The following XPNPEP1 variants were observed in gnomAD, a reference collection of about 807,000 sequenced individuals.
XPNPEP1 encodes X-prolyl aminopeptidase 1.
Under a neutral mutation model 92.4 loss-of-function variants are expected in XPNPEP1, and 39 were observed. The observed-to-expected ratio is 0.42, with a 90% confidence interval of 0.33 to 0.55. The LOEUF (loss-of-function observed/expected upper bound fraction) is 0.55. XPNPEP1 is among the 20% of genes least tolerant of loss of function. The pLI, the probability that XPNPEP1 is intolerant of heterozygous loss-of-function variation, is 0.08. For missense variants in XPNPEP1, 654 were observed against 856.1 expected, an observed-to-expected ratio of 0.76 and a Z score of 2.95; for synonymous variants, 307 against 299.4, an observed-to-expected ratio of 1.03 and a Z score of -0.26.
intron 3 of XPNPEP1, among the ~76,000 whole-genome samples, chr10:109,902,108 T>C (rs1311547969): frequency 6.6e-6 from 1 of 152,250 alleles, no homozygotes; most frequent in African/African-American, 2.4e-5. Context: ...CCAGTTTCTT[T>C]TTGTGTTCTC....
At chr10:109,912,804 AGGGAT>A (rs1409081338) in intron 2 of XPNPEP1, among the ~76,000 whole-genome samples, 1 of 152,264 alleles carries the variant, frequency 6.6e-6, no homozygotes, top group Non-Finnish European at 1.5e-5. Flanking sequence ...TCCGGAAGGC[AGGGAT>A]GATGTCATCT....
chr10:109,909,542 G>T (rs111934961), intron 2 of XPNPEP1, among the ~76,000 whole-genome samples: 68 of 152,308 alleles, frequency 4.5e-4, no homozygotes, highest in African/African-American at 1.5e-3. Flanking sequence ...AAGCACAGAT[G>T]ATACAAGCTG....
rs1848050922 is a variant in XPNPEP1 at position 109,880,831 on chromosome 10, C to A, written c.1131+11G>T. 6.2e-7 allele frequency: 1 copy of A among 1,613,288 alleles called. No individual in the cohort carries two copies. Among genetic ancestry groups the A allele is most frequent in the Non-Finnish European group, 8.5e-7 (1 of 1,179,704 alleles). On this transcript the variant is annotated intron_variant, in intron 11 of 20. Transcript: ENST00000502935. The stretch of plus-strand genomic sequence containing the variant: ...TCACATCCCATCTTCTGCACCAGCT[C>A]CTCTACTCACGTGAGCCCGCCTCAT...
intron 3 of XPNPEP1, among the ~76,000 whole-genome samples, chr10:109,903,073 C>G (rs935410842): frequency 1.3e-4 from 20 of 152,158 alleles, no homozygotes; most frequent in Non-Finnish European, 2.6e-4. Flanking sequence ...GAACAGCACC[C>G]AGGACCAAGA....
chr10:109,896,877 C>A (rs1849021357), intron 3 of XPNPEP1, among the ~76,000 whole-genome samples: 1 of 152,188 alleles, frequency 6.6e-6, no homozygotes, highest in South Asian at 2.1e-4. Flanking sequence ...CTCCCTGGAG[C>A]CTGCAGAAGT....
rs200865221 is a variant in XPNPEP1, at chr10:109,865,253, C to A, written c.1932G>T (p.Gln644His). 3.0e-4 allele frequency: 484 copies of A among 1,614,078 alleles called. No individual in the cohort carries two copies. Among genetic ancestry groups the A allele is most frequent in the Admixed American group, 3.8e-4 (23 of 60,002 alleles). Residue 644 changes from glutamine to histidine, a missense_variant, in exon 21 of 21, where the codon CAG becomes CAT. Physicochemically the swap from Gln to His is conservative, Grantham distance 24. Transcript: ENST00000502935. ...TCRDVIGKEL[Q>H]KQGRQEALEW... Reference sequence around the variant, plus strand: ...CGAGAGCTTCCTGGCGGCCCTGTTTCTGCAATTCCTTCCCAATCACATCCC... The same window carrying A: ...CGAGAGCTTCCTGGCGGCCCTGTTTATGCAATTCCTTCCCAATCACATCCC...
chr10:109,883,530 C>T (rs1295386158), intron 9 of XPNPEP1, among the ~76,000 whole-genome samples: 2 of 152,140 alleles, frequency 1.3e-5, no homozygotes. Flanking sequence ...CCAAGGACCC[C>T]GTCCTGTTTC....
intron 9 of XPNPEP1, chr10:109,883,813 T>C: frequency 2.5e-6 from 1 of 407,386 alleles, no homozygotes; most frequent in East Asian, 3.9e-5. Context: ...GCTAGAAAAC[T>C]TGACATCAAA....
At chr10:109,911,189 A>C (rs1242094117) in intron 2 of XPNPEP1, among the ~76,000 whole-genome samples, 4 of 152,362 alleles carry the variant, frequency 2.6e-5, no homozygotes, top group Non-Finnish European at 4.4e-5. Context: ...GAAGTACTCA[A>C]AGGAAGAGTC....
intron 7 of XPNPEP1, among the ~76,000 whole-genome samples, chr10:109,886,696 G>A (rs907581697): frequency 1.3e-5 from 2 of 152,130 alleles, no homozygotes; most frequent in African/African-American, 4.8e-5. Context: ...AATATAGAAG[G>A]GAAGACAGAT....
rs757872234 is a variant in XPNPEP1, at chr10:109,877,790, G to A, written c.1319C>T (p.Ala440Val). 2.5e-6 allele frequency: 4 copies of A among 1,614,256 alleles called. No homozygotes were observed. The highest frequency in any genetic ancestry group is 1.7e-5 in the Admixed American group (1 of 60,034). ...CAGCATGCTCCTCCGCATGCCTTAC[G>A]CGTAGTGAATGATGGCGCCGTTGGG... ...TGPNGAIIHY[A>V]PVPETNRTLS... Residue 440 changes from alanine to valine, a missense_variant and splice_region_variant, in exon 14 of 21, where the codon GCG becomes GTG. By Grantham distance (64) the Ala-to-Val change is moderately conservative. Transcript: ENST00000502935.
In XPNPEP1 at chr10:109,923,256, G is replaced by A. The variant is rs1235765088; in HGVS notation, c.32+146C>T. ...ACCCCTTCCCCCGGCTCCTGTTCCG[G>A]GGCTCCGGCGAGCGCGGCCCTCGCC... On this transcript the variant is annotated intron_variant, in intron 1 of 20. Coordinates refer to ENST00000502935, the MANE Select transcript of XPNPEP1 (RefSeq NM_020383.4). 3 of 1,184,954 alleles carry A rather than the reference G, an allele frequency of 2.5e-6. No homozygotes were observed. The East Asian group carries it at 1.2e-4, about 47-fold the overall frequency. The allele number at this position is 1,184,954 out of a possible 1,614,324, so 73.4% of individuals were successfully genotyped here. A position where few individuals can be genotyped will look rare whatever the true frequency, so the allele number is the denominator to read the frequency against.
chr10:109,910,257 C>T (rs941506277), intron 2 of XPNPEP1, among the ~76,000 whole-genome samples: 4 of 152,076 alleles, frequency 2.6e-5, no homozygotes, highest in Non-Finnish European at 4.4e-5. Flanking sequence ...TAAGAATATG[C>T]ATTTAAGCCA....
At position 109,870,915 on chromosome 10, in the gene XPNPEP1, T is replaced by A. The variant is rs367990951; in HGVS notation, c.1523-11A>T. On this transcript the variant is annotated splice_polypyrimidine_tract_variant and intron_variant, in intron 17 of 20. Transcript: ENST00000502935. The stretch of plus-strand genomic sequence containing the variant: ...AGTCAAGAAGGTGACCTGAAAGACA[T>A]AAAGAGCCACTTAATTGTATTTGTA... The A allele has an allele frequency of 2.4e-4, 380 of 1,611,748 alleles. No individual in the cohort carries two copies. Among genetic ancestry groups the A allele is most frequent in the Non-Finnish European group, 3.1e-4 (362 of 1,179,166 alleles).
At chr10:109,911,609 T>G (rs1849878620) in intron 2 of XPNPEP1, among the ~76,000 whole-genome samples, 1 of 152,218 alleles carries the variant, frequency 6.6e-6, no homozygotes, top group Admixed American at 6.5e-5. Flanking sequence ...ATAGATTTAT[T>G]GTGTTTTCAA....
intron 15 of XPNPEP1, among the ~76,000 whole-genome samples, chr10:109,874,167 CAA>C (rs1229814506): frequency 6.6e-6 from 1 of 152,140 alleles, no homozygotes; most frequent in Non-Finnish European, 1.5e-5. Flanking sequence ...AAAAATGAAA[CAA>C]AGTGTGAATG....
In XPNPEP1 at chr10:109,888,577, G is replaced by C; in HGVS notation, c.434C>G (p.Thr145Ser). The C allele has an allele frequency of 6.2e-7, 1 of 1,608,806 alleles. No individual in the cohort carries two copies. Among genetic ancestry groups the C allele is most frequent in the Non-Finnish European group, 8.5e-7 (1 of 1,176,952 alleles). Reference protein sequence around the residue: ...LMKMGLKDTPTQEDWLVSVLP... With the variant: ...LMKMGLKDTPSQEDWLVSVLP... ...CACACTCACCAGCCAGTCTTCCTGA[G>C]TTGGTGTGTCCTTCAGACCTACAGG... Residue 145 changes from threonine (T) to serine (S), a missense_variant, in exon 6 of 21, where the codon ACT becomes AGT. Coordinates refer to ENST00000502935, the MANE Select transcript of XPNPEP1 (RefSeq NM_020383.4).
chr10:109,915,168 G>T, intron 1 of XPNPEP1, 69 bp from the exon 2 acceptor site: 1 of 950,390 alleles, frequency 1.1e-6, no homozygotes, highest in South Asian at 2.0e-5. Context: ...TCAGTTAGAG[G>T]AGGCATCGCT....
chr10:109,876,771 C>G (rs1195928826), intron 14 of XPNPEP1: 1 of 152,224 alleles, frequency 6.6e-6, no homozygotes, highest in Non-Finnish European at 1.5e-5. Flanking sequence ...TGGGGATGCA[C>G]AGAACTCAAA....
Sources: gnomAD v4.1 joint callset for allele counts (sites outside exome capture counted in the v4.1 genomes callset) on GRCh38, gnomAD v4.1.1 for gene constraint, MANE v1.5 for transcripts, NCBI Gene and HGNC (gene_info 2026-07-23, HGNC 2026-07-21) for gene names.